The following KCNIP4 variants were observed in gnomAD, a reference collection of about 807,000 sequenced individuals.
The protein encoded by KCNIP4 is potassium voltage-gated channel interacting protein 4, also known as Kv channel-interacting protein 4.
A neutral mutation model predicts 34.0 loss-of-function variants in KCNIP4; 12 were observed. The observed-to-expected ratio is 0.35, with a 90% CI of 0.23 to 0.57. The LOEUF (loss-of-function observed/expected upper bound fraction) is 0.57, where lower values mean the gene tolerates loss of function less well. Among genes scored for constraint, KCNIP4 ranks in the 20% least tolerant of loss-of-function variants. KCNIP4 has a pLI of 0.83. For synonymous variants in KCNIP4, 124 were observed against 102.2 expected, an observed-to-expected ratio of 1.21 and a Z score of -1.29; for missense variants, 238 against 311.7, an observed-to-expected ratio of 0.76 and a Z score of 1.78.
At chr4:21,870,383 T>A (rs1484369263) in intron 1 of KCNIP4, among the ~76,000 whole-genome samples, 4 of 152,118 alleles carry the variant, frequency 2.6e-5, no homozygotes, top group Non-Finnish European at 4.4e-5. Context: ...TTCTCTAGGG[T>A]CCCGTATGCA....
intron 1 of KCNIP4, among the ~76,000 whole-genome samples, chr4:21,935,080 C>G (rs920956640): frequency 6.6e-6 from 1 of 152,026 alleles, no homozygotes; most frequent in African/African-American, 2.4e-5. Flanking sequence ...AGTATAGAGC[C>G]TGCCTAGGTG....
chr4:21,737,705 T>C (rs1716086548), intron 1 of KCNIP4, among the ~76,000 whole-genome samples: 1 of 152,098 alleles, frequency 6.6e-6, no homozygotes, highest in South Asian at 2.1e-4. Flanking sequence ...AATTAAATAA[T>C]ACAAGTGAAA....
chr4:20,730,180 A>C, intron 8 of KCNIP4, 51 bp from the exon 9 acceptor site: 7 of 1,561,960 alleles, frequency 4.5e-6, no homozygotes, highest in Non-Finnish European at 5.2e-6. Context: ...TGCAAGGAAA[A>C]GTACACTATT....
chr4:21,888,193 C>T (rs1726895575), intron 1 of KCNIP4, among the ~76,000 whole-genome samples: 1 of 152,110 alleles, frequency 6.6e-6, no homozygotes, highest in Non-Finnish European at 1.5e-5. Flanking sequence ...CTCTTAAACT[C>T]ACTAAACTAA....
chr4:21,460,552 C>T (rs1729371558), intron 1 of KCNIP4, among the ~76,000 whole-genome samples: 1 of 152,070 alleles, frequency 6.6e-6, no homozygotes, highest in Non-Finnish European at 1.5e-5. Context: ...TCCTGACTTA[C>T]AGTCAGCCTT....
chr4:21,819,832 T>G (rs1722219351), intron 1 of KCNIP4, among the ~76,000 whole-genome samples: 1 of 152,114 alleles, frequency 6.6e-6, no homozygotes, highest in South Asian at 2.1e-4. Context: ...ACTTACTTAT[T>G]GTTAGAAAAT....
At chr4:21,494,249 A>G (rs1732656473) in intron 1 of KCNIP4, among the ~76,000 whole-genome samples, 1 of 152,188 alleles carries the variant, frequency 6.6e-6, no homozygotes. Context: ...CATGAGTGTT[A>G]GTGTTGGCTA....
chr4:21,728,226 C>T (rs374483979), intron 1 of KCNIP4, among the ~76,000 whole-genome samples: 1 of 152,100 alleles, frequency 6.6e-6, no homozygotes, highest in Non-Finnish European at 1.5e-5. Context: ...CAAAACTAAC[C>T]AAACTCCAAA....
At chr4:21,769,328 T>G (rs1224897461) in intron 1 of KCNIP4, among the ~76,000 whole-genome samples, 1 of 152,168 alleles carries the variant, frequency 6.6e-6, no homozygotes, top group Non-Finnish European at 1.5e-5. Flanking sequence ...TGCCAGGTTT[T>G]CTATTTTAGT....
chr4:20,774,759 C>A (rs542010696), intron 3 of KCNIP4, among the ~76,000 whole-genome samples: 1 of 152,242 alleles, frequency 6.6e-6, no homozygotes, highest in East Asian at 1.9e-4. Context: ...GGCAAAGGAA[C>A]CCTGTGTACA....
rs949548104 is a variant in KCNIP4, at chr4:21,048,944, C to CTTTT, written c.62-166239_62-166236dup. Among the ~76,000 whole-genome samples the CTTTT allele has an allele frequency of 2.7e-3, 260 of 96,048 alleles. 8 individuals are homozygous for CTTTT. Among genetic ancestry groups the CTTTT allele is most frequent in the African/African-American group, 8.2e-3 (194 of 23,772 alleles). 63.0% of individuals were successfully genotyped at this position (96,048 alleles called of 152,430 possible). A position where few individuals can be genotyped will look rare whatever the true frequency, so the allele number is the denominator to read the frequency against. The stretch of plus-strand genomic sequence containing the variant: ...AGCTCTTTCAGTACCTTCTGTTTAT[C>CTTTT]TTTTTTTTTTTTTTTTTTTTTTTTG... On this transcript the variant is annotated intron_variant, in intron 1 of 8. Transcript: ENST00000382152.
Position 21,484,107 on chromosome 4 carries a change from T to C in KCNIP4, c.61+464464A>G, listed in dbSNP as rs1472369270. On this transcript the variant is annotated intron_variant, in intron 1 of 8. Transcript: ENST00000382152. Reference sequence around the variant, plus strand: ...GCATTTATAATAATGCTTATGTATATTGAATCATGTAATTTTCACTATGAT... The same window carrying C: ...GCATTTATAATAATGCTTATGTATACTGAATCATGTAATTTTCACTATGAT... Among the ~76,000 whole-genome samples, 5 of 152,226 alleles carry C rather than the reference T, an allele frequency of 3.3e-5. No individual in the cohort carries two copies. In the East Asian group the frequency reaches 5.8e-4, roughly 18 times the overall value.
At chr4:20,857,414 C>T (rs1721716691) in intron 2 of KCNIP4, among the ~76,000 whole-genome samples, 1 of 152,124 alleles carries the variant, frequency 6.6e-6, no homozygotes, top group African/African-American at 2.4e-5. Context: ...AGGAGATGGG[C>T]AAGGTGCTTG....
chr4:21,564,288 G>A (rs541682874), intron 1 of KCNIP4, among the ~76,000 whole-genome samples: 1 of 152,246 alleles, frequency 6.6e-6, no homozygotes, highest in Non-Finnish European at 1.5e-5. Context: ...GTTGAACAGA[G>A]TTGTCCTTCT....
chr4:21,301,735 A>G (rs1711735611), intron 1 of KCNIP4, among the ~76,000 whole-genome samples: 1 of 152,144 alleles, frequency 6.6e-6, no homozygotes, highest in South Asian at 2.1e-4. Context: ...TGTAGAGTGC[A>G]CACATTCTGA....
intron 1 of KCNIP4, among the ~76,000 whole-genome samples, chr4:21,248,060 A>G (rs200578127): frequency 7.5e-4 from 109 of 145,328 alleles, no homozygotes; most frequent in African/African-American, 2.3e-3. Context: ...ATATATATAT[A>G]TGTGTGTGTG....
chr4:21,337,327 AT>A (rs1716275842), intron 1 of KCNIP4, among the ~76,000 whole-genome samples: 5 of 152,146 alleles, frequency 3.3e-5, no homozygotes, highest in Admixed American at 3.3e-4. Flanking sequence ...TAGTCATTTT[AT>A]TTTCACTTTA....
At chr4:21,281,752 T>G (rs534617450) in intron 1 of KCNIP4, among the ~76,000 whole-genome samples, 13 of 152,188 alleles carry the variant, frequency 8.5e-5, no homozygotes, top group Admixed American at 5.9e-4. Flanking sequence ...TGTGTACATA[T>G]GGCAACTTCC....
At chr4:20,812,149 G>A (rs1195489291) in intron 3 of KCNIP4, among the ~76,000 whole-genome samples, 3 of 152,198 alleles carry the variant, frequency 2.0e-5, no homozygotes, top group Non-Finnish European at 4.4e-5. Flanking sequence ...GCAGCTTGAA[G>A]ATATCAAAGG....
Sources: gnomAD v4.1 joint callset for allele counts (sites outside exome capture counted in the v4.1 genomes callset) on GRCh38, gnomAD v4.1.1 for gene constraint, MANE v1.5 for transcripts, NCBI Gene and HGNC (gene_info 2026-07-23, HGNC 2026-07-21) for gene names.